PDE10A: variants seen among roughly 807,000 people sequenced by gnomAD.
PDE10A encodes phosphodiesterase 10A.
A neutral mutation model predicts 97.7 loss-of-function variants in PDE10A; 39 were observed. The ratio of observed to expected loss-of-function variants is 0.40; its 90% confidence interval spans 0.31 to 0.52. PDE10A has a LOEUF of 0.52. PDE10A is among the 20% of genes least tolerant of loss of function. The probability of loss-of-function intolerance (pLI) is 0.56; values close to 1 mark genes in which losing one functional copy is unlikely to be tolerated. For missense variants in PDE10A, 731 were observed against 1,047.8 expected (o/e 0.70, Z 4.17); for synonymous variants, 371 against 376.8 (o/e 0.98, Z 0.18).
At chr6:165,847,615 A>G (rs904119657) in intron 1 of PDE10A, among the ~76,000 whole-genome samples, 1 of 152,244 alleles carries the variant, frequency 6.6e-6, no homozygotes, top group African/African-American at 2.4e-5. Context: ...TAATGAGCTG[A>G]ATTCTGCAAA....
intron 1 of PDE10A, among the ~76,000 whole-genome samples, chr6:165,954,256 A>G (rs1308956222): frequency 6.6e-6 from 1 of 152,192 alleles, no homozygotes; most frequent in Non-Finnish European, 1.5e-5. Flanking sequence ...ATTTTTAACA[A>G]TTTTTAGATG....
intron 1 of PDE10A, among the ~76,000 whole-genome samples, chr6:165,564,115 A>C (rs1784658012): frequency 6.6e-6 from 1 of 152,186 alleles, no homozygotes; most frequent in African/African-American, 2.4e-5. Context: ...TCTTCCCCTA[A>C]AATCCTCAAT....
chr6:165,335,596 G>A (rs1316575747), intron 21 of PDE10A, among the ~76,000 whole-genome samples: 1 of 152,032 alleles, frequency 6.6e-6, no homozygotes, highest in Non-Finnish European at 1.5e-5. Context: ...AGGCAGCCTG[G>A]CCAAGGGCTT....
intron 1 of PDE10A, among the ~76,000 whole-genome samples, chr6:165,973,471 C>T (rs994224798): frequency 1.3e-5 from 2 of 151,502 alleles, no homozygotes; most frequent in African/African-American, 4.9e-5. Context: ...AGGATCCCTG[C>T]ATATGTTTTG....
intron 1 of PDE10A, among the ~76,000 whole-genome samples, chr6:165,673,875 T>C (rs1435824953): frequency 6.6e-6 from 1 of 152,208 alleles, no homozygotes; most frequent in African/African-American, 2.4e-5. Context: ...TATAGAAGCG[T>C]GTTTATGAAT....
intron 1 of PDE10A, among the ~76,000 whole-genome samples, chr6:165,719,691 T>C (rs374160647): frequency 1.3e-5 from 2 of 152,318 alleles, no homozygotes; most frequent in African/African-American, 4.8e-5. Flanking sequence ...CTCATGGAGC[T>C]GATGGCATGC....
intron 1 of PDE10A, among the ~76,000 whole-genome samples, chr6:165,895,744 C>G (rs561434754): frequency 6.6e-6 from 1 of 152,314 alleles, no homozygotes; most frequent in South Asian, 2.1e-4. Flanking sequence ...ATTACCAAAA[C>G]CTCCTGTTCC....
chr6:165,983,068 G>GACACAC (rs10623514), intron 1 of PDE10A, among the ~76,000 whole-genome samples: 2,292 of 151,052 alleles, frequency 0.015, 23 homozygotes, highest in African/African-American at 0.018. Flanking sequence ...ACAATTTTAC[G>GACACAC]ACACACACAC....
At chr6:165,764,418 T>C (rs935955382) in intron 1 of PDE10A, among the ~76,000 whole-genome samples, 2 of 152,234 alleles carry the variant, frequency 1.3e-5, no homozygotes, top group African/African-American at 4.8e-5. Context: ...ACTCTGTGAT[T>C]ATTCTCCCTA....
At chr6:165,612,529 C>T (rs946516919) in intron 1 of PDE10A, among the ~76,000 whole-genome samples, 6 of 152,168 alleles carry the variant, frequency 3.9e-5, no homozygotes, top group Middle Eastern at 3.4e-3. Context: ...CCACCATGTC[C>T]GGCTAATTTT....
At chr6:165,756,288 A>T (rs550510107) in intron 1 of PDE10A, among the ~76,000 whole-genome samples, 2 of 152,330 alleles carry the variant, frequency 1.3e-5, no homozygotes, top group South Asian at 2.1e-4. Flanking sequence ...ATTTTAAAAA[A>T]TACTTAGTTT....
At chr6:165,526,927 C>T (rs478561) in intron 2 of PDE10A, among the ~76,000 whole-genome samples, 105,333 of 152,136 alleles carry the variant, frequency 0.69, 39,767 homozygotes, top group Non-Finnish European at 0.83. Flanking sequence ...ACCTTGATCA[C>T]TTCTTGCTTC....
chr6:165,690,868 G>C (rs143411710), intron 1 of PDE10A, among the ~76,000 whole-genome samples: 2 of 152,122 alleles, frequency 1.3e-5, no homozygotes, highest in Non-Finnish European at 1.5e-5. Flanking sequence ...CTTCTGGAGA[G>C]ACTAATATTT....
chr6:165,494,416 C>A (rs2128290188), intron 2 of PDE10A, among the ~76,000 whole-genome samples: 1 of 149,476 alleles, frequency 6.7e-6, no homozygotes, highest in Middle Eastern at 3.5e-3. Context: ...ATGGAACCAG[C>A]CCAAATGTCC....
At chr6:165,410,728 C>T (rs994869978) in intron 13 of PDE10A, among the ~76,000 whole-genome samples, 7 of 151,842 alleles carry the variant, frequency 4.6e-5, no homozygotes, top group Admixed American at 6.6e-5. Context: ...CACATCCGCA[C>T]GTGAACTCAT....
chr6:165,812,104 G>A (rs368917847), intron 1 of PDE10A, among the ~76,000 whole-genome samples: 12 of 152,042 alleles, frequency 7.9e-5, no homozygotes, highest in South Asian at 2.1e-4. Context: ...TGCCCACCTC[G>A]GCCTCCCAAA....
Position 165,899,860 on chromosome 6 carries a change from C to G in PDE10A, c.-615+87669G>C, listed in dbSNP as rs573839366. ...CCTTCTTGGTGTAAAAATAGCATCT[C>G]CCTCTGCTTACGGAGTTGGGTTGCT... On this transcript the variant is annotated intron_variant, in intron 1 of 19. Coordinates refer to the PDE10A transcript ENST00000366882. Among the ~76,000 whole-genome samples, 3 of 152,388 alleles carry G rather than the reference C, an allele frequency of 2.0e-5. No individual in the cohort carries two copies. The South Asian group carries it at 6.2e-4, about 32-fold the overall frequency.
chr6:165,861,860 T>C (rs186296201), intron 1 of PDE10A, among the ~76,000 whole-genome samples: 1 of 152,316 alleles, frequency 6.6e-6, no homozygotes, highest in African/African-American at 2.4e-5. Flanking sequence ...AAAAATCAGT[T>C]GCACACCTCA....
chr6:165,891,550 G>A (rs924945427), intron 1 of PDE10A, among the ~76,000 whole-genome samples: 2 of 152,054 alleles, frequency 1.3e-5, no homozygotes, highest in Non-Finnish European at 2.9e-5. Context: ...CTGGAACACT[G>A]GCTGCAACCT....
Sources: allele counts gnomAD v4.1 joint callset (sites outside exome capture counted in the v4.1 genomes callset), GRCh38; gene constraint gnomAD v4.1.1; transcripts MANE v1.5; gene names NCBI Gene and HGNC (gene_info 2026-07-23, HGNC 2026-07-21).